The following MCC variants were observed in gnomAD, a reference collection of about 807,000 sequenced individuals.
MCC encodes the protein colorectal mutant cancer protein.
MCC carries 90 observed loss-of-function variants against 116.2 expected under a neutral mutation model. The ratio of observed to expected loss-of-function variants is 0.77; its 90% CI spans 0.65 to 0.92. The LOEUF (loss-of-function observed/expected upper bound fraction) is 0.92. Ranked by LOEUF, MCC falls within the 40% of genes least tolerant of loss-of-function variation. The pLI is 0.00. For synonymous variants in MCC, 578 were observed against 510.5 expected (o/e 1.13, Z -1.78); for missense variants, 1,516 against 1,312.2 (o/e 1.16, Z -2.40).
chr5:113,152,614 T>C (rs764461893), intron 3 of MCC, among the ~76,000 whole-genome samples: 7 of 152,066 alleles, frequency 4.6e-5, no homozygotes, highest in Non-Finnish European at 7.4e-5. Flanking sequence ...CTTAGAAAAA[T>C]GTGCTTTTCT....
intron 1 of MCC, among the ~76,000 whole-genome samples, chr5:113,418,865 C>G (rs1408629358): frequency 6.6e-6 from 1 of 152,158 alleles, no homozygotes; most frequent in South Asian, 2.1e-4. Context: ...CAATGAGTTT[C>G]CATGCTGCAT....
chr5:113,079,947 A>C (rs1202799236), intron 11 of MCC, among the ~76,000 whole-genome samples: 1 of 152,236 alleles, frequency 6.6e-6, no homozygotes, highest in Non-Finnish European at 1.5e-5. Flanking sequence ...TAAACAAACA[A>C]ATTTACAAGA....
intron 3 of MCC, among the ~76,000 whole-genome samples, chr5:113,210,653 A>G (rs1201734788): frequency 1.3e-5 from 2 of 152,230 alleles, no homozygotes; most frequent in Non-Finnish European, 2.9e-5. Flanking sequence ...ACGAATGAAT[A>G]TAGGAAGAAG....
At chr5:113,453,786 T>C (rs1225951184) in intron 1 of MCC, among the ~76,000 whole-genome samples, 1 of 152,172 alleles carries the variant, frequency 6.6e-6, no homozygotes, top group Non-Finnish European at 1.5e-5. Flanking sequence ...TTAGTTTGGT[T>C]GTTTAAAAAA....
intron 16 of MCC, chr5:113,048,709 G>A (rs542771154): frequency 2.8e-6 from 1 of 356,110 alleles, no homozygotes; most frequent in African/African-American, 2.1e-5. Flanking sequence ...CATCTATGGG[G>A]GATTTTGGAT....
intron 5 of MCC, among the ~76,000 whole-genome samples, chr5:113,135,400 A>G (rs1758754610): frequency 2.2e-3 from 1 of 460 alleles, no homozygotes; most frequent in Non-Finnish European, 0.062. Context: ...TAAAAATACA[A>G]AAAAAAAAAT....
At chr5:113,469,315 C>T (rs1004501173) in intron 1 of MCC, among the ~76,000 whole-genome samples, 18 of 151,738 alleles carry the variant, frequency 1.2e-4, no homozygotes, top group African/African-American at 3.4e-4. Context: ...CTCTTGTGGG[C>T]GTTTAGTGCT....
chr5:113,340,607 T>G lies in MCC; in HGVS notation c.539A>C (p.His180Pro), dbSNP rs750094809. ...CAGTTTGTGGAGAGCAGCCTGCTGATGCAAAGAGCTTCCGCCATACTCGAG... is the reference window on the plus strand; with the variant it reads ...CAGTTTGTGGAGAGCAGCCTGCTGAGGCAAAGAGCTTCCGCCATACTCGAG... ...KLLEYGGSSL[H>P]QQAALHKLLT... Residue 180 changes from histidine to proline, a missense_variant, in exon 3 of 19, where the codon CAT becomes CCT. Coordinates refer to ENST00000408903, the MANE Select transcript of MCC (RefSeq NM_001085377.2). The G allele has an allele frequency of 2.5e-6, 4 of 1,614,172 alleles. No homozygotes were observed. The highest frequency in any genetic ancestry group is 3.4e-6 in the Non-Finnish European group (4 of 1,180,012).
chr5:113,294,669 C>G, intron 3 of MCC: 1 of 1,059,484 alleles, frequency 9.4e-7, no homozygotes, highest in Non-Finnish European at 1.1e-6. Context: ...CCCTCCCGCG[C>G]GCACCCAGCG....
intron 1 of MCC, among the ~76,000 whole-genome samples, chr5:113,470,215 C>A (rs1465963172): frequency 6.6e-6 from 1 of 152,136 alleles, no homozygotes; most frequent in Non-Finnish European, 1.5e-5. Flanking sequence ...TGAATTTGAT[C>A]CTGTCTTTAT....
At chr5:113,201,255 C>T (rs967644826) in intron 3 of MCC, among the ~76,000 whole-genome samples, 8 of 152,072 alleles carry the variant, frequency 5.3e-5, no homozygotes, top group South Asian at 2.1e-4. Flanking sequence ...TGTGGTGGCA[C>T]GTGCCTGTAA....
intron 3 of MCC, among the ~76,000 whole-genome samples, chr5:113,203,004 C>T (rs1204006023): frequency 6.6e-6 from 1 of 152,168 alleles, no homozygotes; most frequent in Non-Finnish European, 1.5e-5. Flanking sequence ...ACAATTTTCC[C>T]TTTCAGAACT....
At chr5:113,072,148 C>T (rs1385805439) in intron 11 of MCC, among the ~76,000 whole-genome samples, 1 of 152,234 alleles carries the variant, frequency 6.6e-6, no homozygotes, top group African/African-American at 2.4e-5. Context: ...TGACCACTAA[C>T]TCTTAAAGAG....
intron 1 of MCC, among the ~76,000 whole-genome samples, chr5:113,408,511 C>A (rs1308442267): frequency 2.6e-5 from 4 of 152,160 alleles, no homozygotes; most frequent in African/African-American, 9.7e-5. Flanking sequence ...CCTCACTGGC[C>A]TGTTGAGTGT....
intron 6 of MCC, among the ~76,000 whole-genome samples, chr5:113,112,160 C>T (rs1170114324): frequency 2.6e-5 from 4 of 152,166 alleles, no homozygotes; most frequent in East Asian, 1.9e-4. Flanking sequence ...TCCTGGGGAT[C>T]GGTACTTGCT....
chr5:113,165,724 C>T (rs1760732702), intron 3 of MCC, among the ~76,000 whole-genome samples: 2 of 152,244 alleles, frequency 1.3e-5, no homozygotes, highest in South Asian at 4.1e-4. Flanking sequence ...GAGCACCCGA[C>T]CCAATGGCAC....
intron 5 of MCC, among the ~76,000 whole-genome samples, chr5:113,137,002 G>A (rs1747808063): frequency 6.6e-6 from 1 of 152,066 alleles, no homozygotes; most frequent in Non-Finnish European, 1.5e-5. Context: ...TTTGTCATAG[G>A]TTGCCTTTAT....
At chr5:113,179,548 C>T (rs765752713) in intron 3 of MCC, among the ~76,000 whole-genome samples, 1 of 152,164 alleles carries the variant, frequency 6.6e-6, no homozygotes, top group South Asian at 2.1e-4. Context: ...CCTTTAAAAA[C>T]AGCAGATAGT....
intron 3 of MCC, among the ~76,000 whole-genome samples, chr5:113,187,986 C>G (rs1288493811): frequency 6.6e-6 from 1 of 152,102 alleles, no homozygotes; most frequent in Non-Finnish European, 1.5e-5. Flanking sequence ...TGGCCCTGCT[C>G]AAGCATGATC....
Sources: gnomAD v4.1 joint callset for allele counts (sites outside exome capture counted in the v4.1 genomes callset) on GRCh38, gnomAD v4.1.1 for gene constraint, MANE v1.5 for transcripts, NCBI Gene and HGNC (gene_info 2026-07-23, HGNC 2026-07-21) for gene names.